NDNF: variants seen among roughly 807,000 people sequenced by gnomAD.
NDNF encodes the protein protein NDNF.
A neutral mutation model predicts 42.0 loss-of-function variants in NDNF; 16 were observed. The observed-to-expected ratio is 0.38, with a 90% CI of 0.26 to 0.58. The LOEUF (loss-of-function observed/expected upper bound fraction) is 0.58. NDNF is among the 20% of genes least tolerant of loss of function. The pLI, the probability that NDNF is intolerant of heterozygous loss-of-function variation, is 0.67. For synonymous variants in NDNF, 248 were observed against 251.7 expected, an observed-to-expected ratio of 0.99 and a Z score of 0.14; for missense variants, 616 against 666.2, an observed-to-expected ratio of 0.92 and a Z score of 0.83.
chr4:121,059,566 G>A (rs1727367666), intron 1 of NDNF, among the ~76,000 whole-genome samples: 1 of 152,192 alleles, frequency 6.6e-6, no homozygotes, highest in Admixed American at 6.5e-5. Context: ...TGTGCTGGAT[G>A]GTCCGGGAGC....
intron 1 of NDNF, among the ~76,000 whole-genome samples, chr4:121,052,234 A>G (rs1727210797): frequency 6.6e-6 from 1 of 152,196 alleles, no homozygotes; most frequent in South Asian, 2.1e-4. Context: ...TAAAGTATAA[A>G]ATTTGAAAAA....
Position 121,036,185 on chromosome 4 carries a change from T to G in NDNF, c.*79A>C, listed in dbSNP as rs1726860625. On this transcript the variant is annotated 3_prime_UTR_variant, in exon 4 of 4. Transcript: ENST00000379692. ...TACAGGTCACAACTTCTCTCAACTG[T>G]GGGAGTAGTCAGTTTATACTTAAAG... The G allele has an allele frequency of 8.8e-6, 10 of 1,140,992 alleles. No individual in the cohort carries two copies. The South Asian group carries it at 1.5e-4, about 17-fold the overall frequency. 70.7% of individuals were successfully genotyped at this position (1,140,992 alleles called of 1,614,324 possible).
At chr4:121,044,459 C>T (rs1212727107) in intron 2 of NDNF, among the ~76,000 whole-genome samples, 2 of 151,492 alleles carry the variant, frequency 1.3e-5, no homozygotes, top group Non-Finnish European at 2.9e-5. Flanking sequence ...TTGAGCACTA[C>T]AAAATAGGTA....
chr4:121,040,166 T>A, intron 2 of NDNF, 112 bp from the exon 3 acceptor site: 4 of 1,099,504 alleles, frequency 3.6e-6, no homozygotes, highest in Non-Finnish European at 5.1e-6. Context: ...ATAAATTTTA[T>A]AAAATTTTCA....
chr4:121,043,036 A>G (rs1470921191), intron 2 of NDNF, among the ~76,000 whole-genome samples: 1 of 152,194 alleles, frequency 6.6e-6, no homozygotes, highest in African/African-American at 2.4e-5. Context: ...TGATAATTTG[A>G]ATATACTTAA....
Position 121,037,592 on chromosome 4 carries a change from A to C in NDNF, c.379T>G (p.Ser127Ala), listed in dbSNP as rs1444414089. The C allele has an allele frequency of 6.2e-7, 1 of 1,610,204 alleles. No individual in the cohort carries two copies. The highest frequency in any genetic ancestry group is 8.5e-7 in the Non-Finnish European group (1 of 1,179,332). ...TACTCAACATCATTGCCTTTGTAGG[A>C]GAATAACTCAGTGCCTTCCTCATTA... ...IINEEGTELFSYKGNDVEYFI... is the reference protein window; with the variant it reads ...IINEEGTELFAYKGNDVEYFI... Residue 127 changes from serine to alanine, a missense_variant, in exon 4 of 4, where the codon TCC (serine) becomes GCC (alanine). Transcript: ENST00000379692.
At chr4:121,061,668 C>T (rs1276072641) in intron 1 of NDNF, among the ~76,000 whole-genome samples, 3 of 152,114 alleles carry the variant, frequency 2.0e-5, no homozygotes, top group Non-Finnish European at 4.4e-5. Flanking sequence ...CCCCCACCAT[C>T]CCCCCACCAA....
At position 121,036,268 on chromosome 4, in the gene NDNF, C is replaced by T. The variant is rs757058614; in HGVS notation, c.1703G>A (p.Cys568Tyr). The change falls in exon 4 of 4, where the codon TGT becomes TAT. Residue 568 changes from cysteine to tyrosine, a missense_variant. By Grantham distance (194) the Cys-to-Tyr change is radical. Coordinates refer to ENST00000379692, the MANE Select transcript of NDNF (RefSeq NM_024574.4). ...TATATCTCTATAAGAAGGTAACTAA[C>T]AGAACTTTCTAGTTTTCACAACCTT... ...QSKVVKTRKF[C>Y] The T allele has an allele frequency of 6.3e-7, 1 of 1,593,536 alleles. No homozygotes were observed. Among genetic ancestry groups the T allele is most frequent in the Non-Finnish European group, 8.5e-7 (1 of 1,172,974 alleles).
intron 1 of NDNF, among the ~76,000 whole-genome samples, chr4:121,055,486 A>T (rs1317044753): frequency 2.0e-5 from 3 of 152,212 alleles, no homozygotes; most frequent in South Asian, 4.1e-4. Context: ...AGTACTGCAA[A>T]GGTGGAAGAA....
At chr4:121,071,745 C>T (rs1400471607) in intron 1 of NDNF, 1 of 119,920 alleles carries the variant, frequency 8.3e-6, no homozygotes, top group Non-Finnish European at 1.7e-5. Flanking sequence ...TAAAAACAAA[C>T]AAACAAACAA....
chr4:121,051,883 C>T (rs927600793), intron 1 of NDNF, among the ~76,000 whole-genome samples: 3 of 152,166 alleles, frequency 2.0e-5, no homozygotes, highest in Non-Finnish European at 4.4e-5. Flanking sequence ...TAGTTATAGA[C>T]TGCTATTTGG....
intron 1 of NDNF, among the ~76,000 whole-genome samples, chr4:121,051,809 C>A (rs1727199264): frequency 6.6e-6 from 1 of 152,094 alleles, no homozygotes; most frequent in Non-Finnish European, 1.5e-5. Flanking sequence ...GGTTTTACCA[C>A]ATAAAACAAT....
chr4:121,055,606 A>G (rs1430836779), intron 1 of NDNF, among the ~76,000 whole-genome samples: 1 of 151,296 alleles, frequency 6.6e-6, no homozygotes, highest in Non-Finnish European at 1.5e-5. Flanking sequence ...TTAAGAAGGT[A>G]TTAGAAGAAA....
rs2148761622 is a variant in NDNF, at chr4:121,036,858, G to T, written c.1113C>A (p.His371Gln). 3 of 1,614,088 alleles carry T rather than the reference G, an allele frequency of 1.9e-6. No homozygotes were observed. Among genetic ancestry groups the T allele is most frequent in the Non-Finnish European group, 2.5e-6 (3 of 1,180,026 alleles). ...KFLRFAPVSS[H>Q]QKVTFFIHSC... ...AGTGAATAAAGAAGGTGACTTTTTG[G>T]TGAGAAGAGACTGGAGCAAACCGTA... The change falls in exon 4 of 4, where the codon CAC (histidine) becomes CAA (glutamine). Residue 371 changes from histidine to glutamine, a missense_variant. Coordinates refer to ENST00000379692, the MANE Select transcript of NDNF (RefSeq NM_024574.4).
chr4:121,053,716 T>C (rs1727239417), intron 1 of NDNF, among the ~76,000 whole-genome samples: 1 of 152,242 alleles, frequency 6.6e-6, no homozygotes, highest in South Asian at 2.1e-4. Context: ...GAAACTGAGA[T>C]AGCTGGGATA....
In NDNF at chr4:121,037,530, C is replaced by G. The variant is rs368241121; in HGVS notation, c.441G>C (p.Gln147His). The G allele has an allele frequency of 6.2e-7, 1 of 1,614,084 alleles. No individual in the cohort carries two copies. Among genetic ancestry groups the G allele is most frequent in the Non-Finnish European group, 8.5e-7 (1 of 1,179,982 alleles). Reference sequence around the variant, plus strand: ...CTTTCTCTGTTGAAAGAAGATCCAACTGATATAAACCGGATGGGGAACTAG... The same window carrying G: ...CTTTCTCTGTTGAAAGAAGATCCAAGTGATATAAACCGGATGGGGAACTAG... ...ISSSSPSGLY[Q>H]LDLLSTEKDT... is the part of the protein sequence containing the mutation. Residue 147 changes from glutamine to histidine, a missense_variant, in exon 4 of 4, where the codon CAG (glutamine) becomes CAC (histidine). Coordinates refer to ENST00000379692, the MANE Select transcript of NDNF (RefSeq NM_024574.4).
rs1351574074 is a variant in NDNF, at chr4:121,045,118, CAAA to C, written c.188+529_188+531del. Among the ~76,000 whole-genome samples the C allele has an allele frequency of 7.2e-5, 11 of 152,278 alleles. No individual in the cohort carries two copies. The East Asian group carries it at 1.2e-3, about 16-fold the overall frequency. On this transcript the variant is annotated intron_variant, in intron 2 of 3. Coordinates refer to ENST00000379692, the MANE Select transcript of NDNF (RefSeq NM_024574.4). The stretch of plus-strand genomic sequence containing the variant: ...CTGTAATCCCAGCATTTTGGGCGGC[CAAA>C]GAGGGCGGATCACGAGGTCAGGAGA...
At chr4:121,046,346 A>C (rs908935732) in intron 1 of NDNF, among the ~76,000 whole-genome samples, 1 of 152,204 alleles carries the variant, frequency 6.6e-6, no homozygotes, top group Admixed American at 6.5e-5. Flanking sequence ...TGAGAACCAG[A>C]AAATTATCAC....
intron 1 of NDNF, among the ~76,000 whole-genome samples, chr4:121,066,393 C>T (rs1727500214): frequency 1.3e-5 from 2 of 152,174 alleles, no homozygotes; most frequent in Admixed American, 6.5e-5. Flanking sequence ...TTATAACCAT[C>T]TACACTCCAG....
Sources: allele counts gnomAD v4.1 joint callset (sites outside exome capture counted in the v4.1 genomes callset), GRCh38; gene constraint gnomAD v4.1.1; transcripts MANE v1.5; gene names NCBI Gene and HGNC (gene_info 2026-07-23, HGNC 2026-07-21).